The following FAM118A variants were observed in gnomAD, a reference collection of about 807,000 sequenced individuals.
FAM118A encodes the protein protein FAM118A.
A neutral mutation model predicts 38.2 loss-of-function variants in FAM118A; 25 were observed. The ratio of observed to expected loss-of-function variants is 0.65; its 90% CI spans 0.48 to 0.91. FAM118A has a LOEUF of 0.91. FAM118A is among the 40% of genes least tolerant of loss of function. FAM118A has a pLI of 0.00. For missense variants in FAM118A, 425 were observed against 463.3 expected, an observed-to-expected ratio of 0.92 and a Z score of 0.76; for synonymous variants, 178 against 184.1, an observed-to-expected ratio of 0.97 and a Z score of 0.27.
chr22:45,337,074 C>T lies in FAM118A; in HGVS notation c.1054+663C>T, dbSNP rs531293024. On this transcript the variant is annotated intron_variant, in intron 8 of 8. Coordinates refer to ENST00000441876, the MANE Select transcript of FAM118A (RefSeq NM_017911.4). ...TCCCCTCCTCCTCCTCCCAGGTTTG[C>T]GTAGTGCTGTGTGTTATTTCTCATT... Among the ~76,000 whole-genome samples the T allele has an allele frequency of 5.3e-5, 8 of 152,284 alleles. No homozygotes were observed. In the East Asian group the frequency reaches 9.6e-4, roughly 18 times the overall value.
Position 45,330,482 on chromosome 22 carries a change from A to AT in FAM118A, c.523-120dup, listed in dbSNP as rs1306759341. 6.4e-5 allele frequency: 72 copies of AT among 1,132,440 alleles called. No homozygotes were observed. In the East Asian group the frequency reaches 2.0e-3, roughly 32 times the overall value. 70.1% of individuals were successfully genotyped at this position (1,132,440 alleles called of 1,614,324 possible). On this transcript the variant is annotated intron_variant, in intron 4 of 8. Transcript: ENST00000441876. ...TGAAGGTATAAGTGTAAAGTGAAGC[A>AT]TCTCTCGATGATTCTTTCCAAGATA...
intron 1 of FAM118A, among the ~76,000 whole-genome samples, chr22:45,312,913 A>C (rs2084435372): frequency 6.6e-6 from 1 of 152,094 alleles, no homozygotes; most frequent in Non-Finnish European, 1.5e-5. Flanking sequence ...GAGACGACTT[A>C]AGCATGTAGG....
chr22:45,324,407 G>T (rs558292149), intron 3 of FAM118A, among the ~76,000 whole-genome samples: 1 of 152,196 alleles, frequency 6.6e-6, no homozygotes, highest in Non-Finnish European at 1.5e-5. Flanking sequence ...AGGGAAGTGC[G>T]GGGAGGGGAG....
chr22:45,310,299 C>T (rs2084304593), intron 1 of FAM118A, 116 bp downstream of exon 1: 1 of 151,966 alleles, frequency 6.6e-6, no homozygotes, highest in African/African-American at 2.4e-5. Context: ...AGCTCTTCCC[C>T]TGGAGCCCCT....
chr22:45,325,013 C>T (rs1807549), intron 3 of FAM118A, among the ~76,000 whole-genome samples: 65,013 of 152,094 alleles, frequency 0.43, 17,246 homozygotes, highest in Non-Finnish European at 0.6. Context: ...TGCCATTGCA[C>T]TCTATCCTGG....
chr22:45,336,225 C>T, intron 7 of FAM118A, 103 bp from the exon 8 acceptor site: 1 of 787,332 alleles, frequency 1.3e-6, no homozygotes, highest in South Asian at 1.8e-5. Flanking sequence ...TAGTGGATGG[C>T]AGGGTCTGCT....
Position 45,328,466 on chromosome 22 carries a change from A to G in FAM118A, c.522+403A>G, listed in dbSNP as rs745370778. ...CTGGGAGCTGCTCTCACTTTGTAGC[A>G]GTGAATTACTAATAAAGTAGCCAGG... is the stretch of plus-strand genomic sequence containing the variant. On this transcript the variant is annotated intron_variant, in intron 4 of 8. Coordinates refer to ENST00000441876, the MANE Select transcript of FAM118A (RefSeq NM_017911.4). 8.0e-6 allele frequency: 7 copies of G among 876,024 alleles called. No individual in the cohort carries two copies. The Admixed American group carries it at 1.2e-4, about 15-fold the overall frequency. The allele number at this position is 876,024 out of a possible 1,614,324, so 54.3% of individuals were successfully genotyped here. A position where few individuals can be genotyped will look rare whatever the true frequency, so the allele number is the denominator to read the frequency against.
In FAM118A at chr22:45,336,348, G is replaced by T. The variant is rs1198842301; in HGVS notation, c.991G>T (p.Ala331Ser). The T allele has an allele frequency of 6.2e-7, 1 of 1,613,868 alleles. No homozygotes were observed. The highest frequency in any genetic ancestry group is 8.5e-7 in the Non-Finnish European group (1 of 1,179,786). Residue 331 changes from alanine (A) to serine (S), a missense_variant, in exon 8 of 9, where the codon GCA becomes TCA. Coordinates refer to ENST00000441876, the MANE Select transcript of FAM118A (RefSeq NM_017911.4). ...TTTAGGTAATGCATGCCAGGACTGT[G>T]CAAAGAGGAAGTTAGAAGAGAATGG... is the stretch of plus-strand genomic sequence containing the variant. ...TLLGNACQDCAKRKLEENGIE... is the reference protein window; with the variant it reads ...TLLGNACQDCSKRKLEENGIE...
rs773116876 is a variant in FAM118A, at chr22:45,331,328, AAAAT to A, written c.651+609_651+612del. Among the ~76,000 whole-genome samples the A allele has an allele frequency of 5.5e-4, 83 of 150,930 alleles. 1 individual carries two copies. The highest frequency in any genetic ancestry group is 6.8e-3 in the Middle Eastern group (2 of 294). ...AACAGAGCGATACCTCATTTCTAAA[AAAAT>A]AAATAAATAAAAGTAAATAACACTT... On this transcript the variant is annotated intron_variant, in intron 5 of 8. Transcript: ENST00000441876.
chr22:45,327,674 C>G (rs965006656), intron 3 of FAM118A, among the ~76,000 whole-genome samples, 168 bp from the exon 4 acceptor site: 4 of 152,240 alleles, frequency 2.6e-5, no homozygotes, highest in African/African-American at 9.7e-5. Flanking sequence ...GCGTGCTACA[C>G]GTGAGCATCC....
Position 45,340,717 on chromosome 22 carries a change from T to C in FAM118A, c.*312T>C, listed in dbSNP as rs774349250. On this transcript the variant is annotated 3_prime_UTR_variant, in exon 9 of 9. Transcript: ENST00000441876. ...CCCGTTCCCATCTGACAGGCTCTCT[T>C]TTGTCAAGGTGGTATTTTTCGTAAT... 19 of 444,764 alleles carry C rather than the reference T, an allele frequency of 4.3e-5. No homozygotes were observed. Among genetic ancestry groups the C allele is most frequent in the Non-Finnish European group, 7.2e-5 (18 of 250,854 alleles). The allele number at this position is 444,764 out of a possible 1,614,324, so 27.6% of individuals were successfully genotyped here. A position where few individuals can be genotyped will look rare whatever the true frequency, so the allele number is the denominator to read the frequency against.
intron 5 of FAM118A, among the ~76,000 whole-genome samples, chr22:45,331,307 G>C (rs2085700309): frequency 6.6e-6 from 1 of 152,160 alleles, no homozygotes; most frequent in African/African-American, 2.4e-5. Flanking sequence ...CTGGGCAACA[G>C]AGCGATACCT....
At chr22:45,335,247 C>A in intron 6 of FAM118A, 103 bp from the exon 7 acceptor site, 1 of 1,366,828 alleles carries the variant, frequency 7.3e-7, no homozygotes, top group Non-Finnish European at 1.0e-6. Flanking sequence ...TGCCCAGAAG[C>A]CTGTTCCCAG....
intron 8 of FAM118A, among the ~76,000 whole-genome samples, chr22:45,339,997 A>G (rs1466765800): frequency 6.6e-6 from 1 of 152,250 alleles, no homozygotes; most frequent in Non-Finnish European, 1.5e-5. Context: ...CCTGTCCTGC[A>G]TGTGGGTGAG....
At chr22:45,338,403 A>G (rs1388667330) in intron 8 of FAM118A, among the ~76,000 whole-genome samples, 4 of 151,968 alleles carry the variant, frequency 2.6e-5, no homozygotes, top group African/African-American at 9.7e-5. Context: ...CTAATTTTGT[A>G]CTTTTAGTAG....
intron 3 of FAM118A, among the ~76,000 whole-genome samples, chr22:45,324,537 G>A (rs1233276484): frequency 6.6e-6 from 1 of 152,224 alleles, no homozygotes; most frequent in Non-Finnish European, 1.5e-5. Flanking sequence ...TTTTAGTCAG[G>A]TGACTCTGCC....
chr22:45,332,278 C>T, intron 5 of FAM118A, 147 bp from the exon 6 acceptor site: 1 of 767,322 alleles, frequency 1.3e-6, no homozygotes, highest in Non-Finnish European at 2.0e-6. Context: ...GGGAAGGATA[C>T]TGTCCTTCTA....
chr22:45,332,444 A>G lies in FAM118A; in HGVS notation c.671A>G (p.Tyr224Cys). 6.2e-7 allele frequency: 1 copy of G among 1,613,462 alleles called. No homozygotes were observed. The highest frequency in any genetic ancestry group is 8.5e-7 in the Non-Finnish European group (1 of 1,179,814). ...TTCTAGGAAGTCCTCCAGAACTTAT[A>G]CCGCACCAAGTCCTTTCTGTTTGTG... ...AEVMEVLQNL[Y>C]RTKSFLFVGC... The change falls in exon 6 of 9, where the codon TAC becomes TGC. Residue 224 changes from tyrosine to cysteine, a missense_variant. Tyr to Cys is a radical substitution (Grantham distance 194). Coordinates refer to ENST00000441876, the MANE Select transcript of FAM118A (RefSeq NM_017911.4).
At chr22:45,326,053 C>T (rs1310531100) in intron 3 of FAM118A, among the ~76,000 whole-genome samples, 1 of 151,944 alleles carries the variant, frequency 6.6e-6, no homozygotes, top group African/African-American at 2.4e-5. Flanking sequence ...CTTGTGCCGG[C>T]CAAGCAACAC....
Sources: gnomAD v4.1 joint callset for allele counts (sites outside exome capture counted in the v4.1 genomes callset) on GRCh38, gnomAD v4.1.1 for gene constraint, MANE v1.5 for transcripts, NCBI Gene and HGNC (gene_info 2026-07-23, HGNC 2026-07-21) for gene names.